The following THSD4 variants were observed in gnomAD, a reference collection of about 807,000 sequenced individuals.
THSD4 encodes the protein thrombospondin type-1 domain-containing protein 4.
A neutral mutation model predicts 119.0 loss-of-function variants in THSD4; 69 were observed. That is an observed-to-expected ratio of 0.58 (90% CI 0.48 to 0.71). The LOEUF (loss-of-function observed/expected upper bound fraction) is 0.71. Ranked by LOEUF, THSD4 falls within the 30% of genes least tolerant of loss-of-function variation. The pLI, the probability that THSD4 is intolerant of heterozygous loss-of-function variation, is 0.00. For missense variants in THSD4, 1,393 were observed against 1,391.1 expected (o/e 1.00, Z -0.02); for synonymous variants, 524 against 540.4 (o/e 0.97, Z 0.42).
At chr15:71,341,545 C>G in intron 6 of THSD4, 1 of 1,610,292 alleles carries the variant, frequency 6.2e-7, no homozygotes, top group Non-Finnish European at 8.5e-7. Context: ...ATGGTACACA[C>G]TGTTTCTGTA....
chr15:71,133,205 G>A (rs1193367010), intron 1 of THSD4, among the ~76,000 whole-genome samples: 1 of 152,184 alleles, frequency 6.6e-6, no homozygotes, highest in Non-Finnish European at 1.5e-5. Context: ...CCTAGGTAGG[G>A]TGACCTGCAT....
At chr15:71,343,550 G>A (rs377270629) in intron 6 of THSD4, among the ~76,000 whole-genome samples, 190 of 152,052 alleles carry the variant, frequency 1.2e-3, no homozygotes, top group African/African-American at 4.3e-3. Flanking sequence ...AGCAATCACT[G>A]GCCTTCCTTG....
intron 6 of THSD4, among the ~76,000 whole-genome samples, chr15:71,397,184 C>T (rs565803623): frequency 6.6e-6 from 1 of 152,294 alleles, no homozygotes; most frequent in South Asian, 2.1e-4. Context: ...TTGTGTGCTT[C>T]GTGGTCCTGG....
chr15:71,580,667 G>T (rs924826096), intron 7 of THSD4, among the ~76,000 whole-genome samples: 1 of 152,018 alleles, frequency 6.6e-6, no homozygotes, highest in Non-Finnish European at 1.5e-5. Flanking sequence ...CAAGGCCCTG[G>T]TAACCACCAT....
chr15:71,341,383 A>G (rs775932544), intron 6 of THSD4: 1 of 1,611,824 alleles, frequency 6.2e-7, no homozygotes, highest in Admixed American at 1.7e-5. Flanking sequence ...TGACCAGAGA[A>G]TCTACATCTA....
At chr15:71,724,337 G>A (rs1410886976) in intron 8 of THSD4, among the ~76,000 whole-genome samples, 1 of 141,166 alleles carries the variant, frequency 7.1e-6, no homozygotes, top group Non-Finnish European at 1.5e-5. Context: ...CCAGGCTGGA[G>A]TGCAGTGGCG....
At chr15:71,215,423 C>A in intron 4 of THSD4, 24 bp downstream of exon 4, 1 of 1,499,248 alleles carries the variant, frequency 6.7e-7, no homozygotes. Context: ...CTTGTCTGTG[C>A]CGCTCCCCGT....
At chr15:71,573,264 GAAAAGTTGTTAA>G (rs992405083) in intron 7 of THSD4, among the ~76,000 whole-genome samples, 1 of 152,162 alleles carries the variant, frequency 6.6e-6, no homozygotes, top group African/African-American at 2.4e-5. Flanking sequence ...TTAAATCTGG[GAAAAGTTGTTAA>G]ACGAATCCAG....
In THSD4 at chr15:71,099,863, G is replaced by A. The variant is rs188017387; in HGVS notation, c.-80+2857G>A. Among the ~76,000 whole-genome samples, 373 of 152,246 alleles carry A rather than the reference G, an allele frequency of 2.4e-3. 4 individuals carry two copies. Among genetic ancestry groups the A allele is most frequent in the Non-Finnish European group, 1.0e-3 (70 of 68,032 alleles). ...ACCTGTGGTTCCATTGGGAGGCAGA[G>A]GTGGAAGAATCACCTGAGCCCAGGA... On this transcript the variant is annotated intron_variant, in intron 1 of 17. Transcript: ENST00000355327.
intron 14 of THSD4, among the ~76,000 whole-genome samples, chr15:71,754,921 G>A (rs56387361): frequency 2.1e-3 from 324 of 152,334 alleles, no homozygotes; most frequent in African/African-American, 7.4e-3. Flanking sequence ...TCTAGGGACA[G>A]TAAATTGTGA....
intron 8 of THSD4, among the ~76,000 whole-genome samples, chr15:71,701,213 TGTAA>T (rs1208747882): frequency 3.3e-5 from 5 of 152,188 alleles, no homozygotes; most frequent in Admixed American, 6.5e-5. Flanking sequence ...AAAGGATGTA[TGTAA>T]GTAATTCCCA....
chr15:71,291,385 A>G (rs546913400), intron 6 of THSD4, among the ~76,000 whole-genome samples: 1 of 152,338 alleles, frequency 6.6e-6, no homozygotes, highest in East Asian at 1.9e-4. Flanking sequence ...CCCAAGATCT[A>G]CATTTGGCAA....
chr15:71,612,482 C>T (rs1316868517), intron 7 of THSD4, among the ~76,000 whole-genome samples: 1 of 152,204 alleles, frequency 6.6e-6, no homozygotes, highest in African/African-American at 2.4e-5. Flanking sequence ...ATCCTAGGCT[C>T]AGTGAGGTTG....
At chr15:71,135,055 A>G (rs2040536728) in intron 1 of THSD4, among the ~76,000 whole-genome samples, 1 of 146,512 alleles carries the variant, frequency 6.8e-6, no homozygotes, top group Admixed American at 6.8e-5. Context: ...TGATGAGTTC[A>G]TGTCCTTTGT....
chr15:71,502,778 G>A (rs984593219), intron 7 of THSD4, among the ~76,000 whole-genome samples: 13 of 152,296 alleles, frequency 8.5e-5, no homozygotes, highest in Admixed American at 4.6e-4. Context: ...GGAGAATAAA[G>A]TTAGGAAATG....
At chr15:71,605,974 T>C (rs1358104159) in intron 7 of THSD4, among the ~76,000 whole-genome samples, 1 of 152,170 alleles carries the variant, frequency 6.6e-6, no homozygotes, top group African/African-American at 2.4e-5. Context: ...TGCCTGAGGC[T>C]ACTTGAAGAA....
intron 7 of THSD4, among the ~76,000 whole-genome samples, chr15:71,510,557 A>T (rs2048265468): frequency 6.6e-6 from 1 of 152,144 alleles, no homozygotes; most frequent in African/African-American, 2.4e-5. Context: ...CTTGGTTAGG[A>T]CGTCTACAGA....
chr15:71,114,013 G>C (rs62019149), upstream of THSD4, among the ~76,000 whole-genome samples: 27,990 of 151,616 alleles, frequency 0.18, 2,866 homozygotes, highest in African/African-American at 0.28. Context: ...CATGAGACTC[G>C]TGACACTCAG....
intron 8 of THSD4, among the ~76,000 whole-genome samples, chr15:71,720,239 C>T (rs1169605350): frequency 6.6e-6 from 1 of 151,002 alleles, no homozygotes; most frequent in African/African-American, 2.4e-5. Context: ...TAGATAGAGA[C>T]AAGGTCTCCC....
Sources: gnomAD v4.1 joint callset for allele counts (sites outside exome capture counted in the v4.1 genomes callset) on GRCh38, gnomAD v4.1.1 for gene constraint, MANE v1.5 for transcripts, NCBI Gene and HGNC (gene_info 2026-07-23, HGNC 2026-07-21) for gene names.